The following ROBO2 variants were observed in gnomAD, a reference collection of about 807,000 sequenced individuals.
ROBO2 encodes the protein roundabout guidance receptor 2.
Under a neutral mutation model 160.8 loss-of-function variants are expected in ROBO2, and 53 were observed. The observed-to-expected ratio is 0.33, with a 90% CI of 0.26 to 0.41. The LOEUF (loss-of-function observed/expected upper bound fraction) is 0.41. ROBO2 is among the 10% of genes least tolerant of loss of function. The pLI is 1.00. For missense variants in ROBO2, 1,577 were observed against 1,722.4 expected (o/e 0.92, Z 1.49); for synonymous variants, 664 against 611.7 (o/e 1.09, Z -1.26).
intron 2 of ROBO2, among the ~76,000 whole-genome samples, chr3:77,415,011 C>A (rs2077097186): frequency 6.6e-6 from 1 of 152,094 alleles, no homozygotes; most frequent in Admixed American, 6.6e-5. Flanking sequence ...TGGAATGAGC[C>A]CTAAGATATT....
At chr3:76,619,064 G>A in intron 2 of ROBO2, among the ~76,000 whole-genome samples, 1 of 150,430 alleles carries the variant, frequency 6.6e-6, no homozygotes, top group East Asian at 1.9e-4. Context: ...AAATAGGCCG[G>A]GCGCGGTGGC....
chr3:76,503,453 A>G (rs1461390764), intron 2 of ROBO2, among the ~76,000 whole-genome samples: 1 of 152,200 alleles, frequency 6.6e-6, no homozygotes, highest in African/African-American at 2.4e-5. Context: ...ACTACTGGGT[A>G]TATATTCAAA....
intron 2 of ROBO2, among the ~76,000 whole-genome samples, chr3:76,348,533 C>T (rs2074675546): frequency 6.6e-6 from 1 of 152,084 alleles, no homozygotes; most frequent in Non-Finnish European, 1.5e-5. Flanking sequence ...GAAGGCAGCC[C>T]TTGGCATCAG....
At chr3:76,527,742 A>T (rs2082022660) in intron 2 of ROBO2, among the ~76,000 whole-genome samples, 1 of 152,210 alleles carries the variant, frequency 6.6e-6, no homozygotes, top group Non-Finnish European at 1.5e-5. Flanking sequence ...TTATATAATG[A>T]TAAATGTTAT....
chr3:76,787,328 C>A (rs1044947879), intron 2 of ROBO2, among the ~76,000 whole-genome samples: 5 of 142,260 alleles, frequency 3.5e-5, no homozygotes, highest in Non-Finnish European at 4.6e-5. Flanking sequence ...TGTAAACACA[C>A]CACACACACA....
intron 2 of ROBO2, among the ~76,000 whole-genome samples, chr3:76,602,479 T>TG (rs933091684): frequency 3.9e-5 from 6 of 152,162 alleles, no homozygotes; most frequent in African/African-American, 1.4e-4. Flanking sequence ...TTCCACGTGG[T>TG]GGGGGAGGCC....
intron 1 of ROBO2, among the ~76,000 whole-genome samples, chr3:77,079,713 C>T (rs757362534): frequency 2.6e-5 from 4 of 152,190 alleles, no homozygotes; most frequent in Non-Finnish European, 4.4e-5. Context: ...CAGGTAGTGC[C>T]GTCCAGTTTG....
chr3:76,786,766 C>T (rs1156862538), intron 2 of ROBO2, among the ~76,000 whole-genome samples: 1 of 151,258 alleles, frequency 6.6e-6, no homozygotes, highest in African/African-American at 2.4e-5. Flanking sequence ...GTCTCTGTCA[C>T]AACTACTCAA....
At chr3:76,399,073 T>C (rs1272786702) in intron 2 of ROBO2, among the ~76,000 whole-genome samples, 1 of 151,728 alleles carries the variant, frequency 6.6e-6, no homozygotes, top group Non-Finnish European at 1.5e-5. Context: ...TAATATTCAG[T>C]CCATATTAGG....
chr3:77,118,301 A>C (rs1371143679), intron 2 of ROBO2, among the ~76,000 whole-genome samples: 2 of 152,220 alleles, frequency 1.3e-5, no homozygotes, highest in African/African-American at 4.8e-5. Flanking sequence ...ATTGGGCTGA[A>C]AAAACTGCTG....
chr3:76,309,684 T>A (rs943818247), intron 2 of ROBO2, among the ~76,000 whole-genome samples: 8 of 152,204 alleles, frequency 5.3e-5, no homozygotes, highest in African/African-American at 1.7e-4. Context: ...AGTGCATAAT[T>A]CATGTATTGT....
chr3:77,182,759 C>T (rs1308878156), intron 2 of ROBO2, among the ~76,000 whole-genome samples: 1 of 152,006 alleles, frequency 6.6e-6, no homozygotes, highest in African/African-American at 2.4e-5. Context: ...TCTGTGTTCC[C>T]ACAGCTGAAG....
At chr3:76,756,715 A>G (rs544035381) in intron 2 of ROBO2, among the ~76,000 whole-genome samples, 1 of 151,944 alleles carries the variant, frequency 6.6e-6, no homozygotes, top group Non-Finnish European at 1.5e-5. Context: ...ACTCCACCTA[A>G]GACCGCATGC....
rs370131186 is a variant in ROBO2, at chr3:77,157,831, T to A, written c.388+59491T>A. Among the ~76,000 whole-genome samples the A allele has an allele frequency of 3.8e-4, 58 of 152,190 alleles. No individual in the cohort carries two copies. In the East Asian group the frequency reaches 5.6e-3, roughly 15 times the overall value. ...GAGGGCAAAAATTGCCACTTAGATA[T>A]TACATGTCAGTGCATATATATTTCT... On this transcript the variant is annotated intron_variant, in intron 2 of 25. Transcript: ENST00000461745.
chr3:76,095,746 C>T (rs925052391), intron 2 of ROBO2, among the ~76,000 whole-genome samples: 8 of 128,950 alleles, frequency 6.2e-5, no homozygotes, highest in Admixed American at 2.4e-4. Context: ...ACATAGTATG[C>T]TTGACACACA....
At chr3:77,057,728 A>G (rs1042074936) in intron 1 of ROBO2, among the ~76,000 whole-genome samples, 5 of 151,544 alleles carry the variant, frequency 3.3e-5, no homozygotes, top group African/African-American at 1.2e-4. Flanking sequence ...GTGCCACCAC[A>G]CTCAGCTAAT....
intron 2 of ROBO2, among the ~76,000 whole-genome samples, chr3:76,266,113 A>T (rs573676300): frequency 6.6e-6 from 1 of 152,202 alleles, no homozygotes; most frequent in East Asian, 1.9e-4. Context: ...TTATTGAGAC[A>T]TTTACATTTT....
chr3:76,487,039 A>C (rs537430911), intron 2 of ROBO2, among the ~76,000 whole-genome samples: 2 of 152,132 alleles, frequency 1.3e-5, no homozygotes, highest in African/African-American at 2.4e-5. Context: ...GCACAGTCAT[A>C]GCTCATGACA....
At chr3:75,968,326 G>A (rs1258840195) in intron 2 of ROBO2, among the ~76,000 whole-genome samples, 1 of 151,538 alleles carries the variant, frequency 6.6e-6, no homozygotes, top group South Asian at 2.1e-4. Flanking sequence ...ACATTTATCA[G>A]GTTGTCTCCT....
Sources: allele counts gnomAD v4.1 joint callset (sites outside exome capture counted in the v4.1 genomes callset), GRCh38; gene constraint gnomAD v4.1.1; transcripts MANE v1.5; gene names NCBI Gene and HGNC (gene_info 2026-07-23, HGNC 2026-07-21).